SLC2A9: variants seen among roughly 807,000 people sequenced by gnomAD.
SLC2A9 encodes the protein solute carrier family 2, facilitated glucose transporter member 9.
A neutral mutation model predicts 50.6 loss-of-function variants in SLC2A9; 39 were observed. That is an observed-to-expected ratio of 0.77 (90% CI 0.60 to 1.01). The LOEUF (loss-of-function observed/expected upper bound fraction) is 1.01, where lower values mean the gene tolerates loss of function less well. Ranked by LOEUF, SLC2A9 falls within the 50% of genes least tolerant of loss-of-function variation. SLC2A9 has a pLI of 0.00. For missense variants in SLC2A9, 686 were observed against 677.6 expected, an observed-to-expected ratio of 1.01 and a Z score of -0.14; for synonymous variants, 324 against 276.9, an observed-to-expected ratio of 1.17 and a Z score of -1.69.
chr4:9,860,456 G>T (rs1434183178), intron 10 of SLC2A9, among the ~76,000 whole-genome samples: 1 of 152,252 alleles, frequency 6.6e-6, no homozygotes, highest in Non-Finnish European at 1.5e-5. Flanking sequence ...CACATGAACA[G>T]GAGTATTTAG....
intron 4 of SLC2A9, among the ~76,000 whole-genome samples, chr4:9,982,707 C>T (rs908294846): frequency 6.6e-5 from 10 of 152,216 alleles, no homozygotes; most frequent in Non-Finnish European, 1.5e-4. Flanking sequence ...CCAAAGCAGG[C>T]AGGGCCTCTG....
chr4:9,841,321 CTT>C (rs1463964807), intron 10 of SLC2A9, among the ~76,000 whole-genome samples: 5 of 152,100 alleles, frequency 3.3e-5, no homozygotes, highest in Non-Finnish European at 7.4e-5. Context: ...ACTTTGTTCT[CTT>C]GTTTTCTGCA....
chr4:9,880,177 G>T (rs1734965944), intron 10 of SLC2A9: 2 of 985,434 alleles, frequency 2.0e-6, no homozygotes, highest in African/African-American at 3.5e-5. Flanking sequence ...TGGTCTAAGT[G>T]GCAGCTTTTC....
rs1280623007 is a variant in SLC2A9 at position 9,985,726 on chromosome 4, G to A, written c.478C>T (p.Gln160Ter). 6.2e-7 allele frequency: 1 copy of A among 1,613,924 alleles called. No homozygotes were observed. The highest frequency in any genetic ancestry group is 1.3e-5 in the African/African-American group (1 of 74,934). The change falls in exon 4 of 12, where the codon CAG becomes TAG. Residue 160 changes from glutamine to a stop codon, truncating the protein, a stop_gained. Coordinates refer to ENST00000264784, the MANE Select transcript of SLC2A9 (RefSeq NM_020041.3). LOFTEE classifies it high-confidence loss of function. The part of the protein sequence containing the change: ...SAALLMACSL[Q>*]AGAFEMLIVG... ...ATGAGCATTTCAAAGGCTCCTGCCT[G>A]GAGCGAGCAGGCCATCAGCAATGCA...
intron 5 of SLC2A9, among the ~76,000 whole-genome samples, chr4:9,957,727 G>T (rs372026310): frequency 6.1e-4 from 93 of 152,224 alleles, no homozygotes; most frequent in African/African-American, 2.1e-3. Context: ...TTGGAAGATG[G>T]ATTTGAGAAA....
intron 6 of SLC2A9, among the ~76,000 whole-genome samples, chr4:9,936,089 T>C (rs1419938091): frequency 1.3e-5 from 2 of 152,148 alleles, no homozygotes; most frequent in African/African-American, 2.4e-5. Context: ...TCTGCCAAAA[T>C]ACCATTGCTA....
rs185601048 is a variant in SLC2A9 at position 9,926,471 on chromosome 4, T to C, written c.815-5899A>G. 4.6e-5 allele frequency among the ~76,000 whole-genome samples: 7 copies of C among 151,144 alleles called. No homozygotes were observed. In the East Asian group the frequency reaches 1.4e-3, roughly 29 times the overall value. Reference sequence around the variant, plus strand: ...TGTCTGTAAAATAAACATAATAGCATTGGTGGTGTAACCAGTGTTCGATGT... The same window carrying C: ...TGTCTGTAAAATAAACATAATAGCACTGGTGGTGTAACCAGTGTTCGATGT... On this transcript the variant is annotated intron_variant, in intron 6 of 11. Coordinates refer to ENST00000264784, the MANE Select transcript of SLC2A9 (RefSeq NM_020041.3).
chr4:9,883,154 C>CAT (rs1252036583), intron 10 of SLC2A9, among the ~76,000 whole-genome samples: 1 of 151,920 alleles, frequency 6.6e-6, no homozygotes, highest in African/African-American at 2.4e-5. Context: ...CACACACACA[C>CAT]ACATACACAG....
At chr4:9,940,115 G>C (rs1162063619) in intron 6 of SLC2A9, among the ~76,000 whole-genome samples, 2 of 152,200 alleles carry the variant, frequency 1.3e-5, no homozygotes, top group Non-Finnish European at 2.9e-5. Context: ...GAGAGCCAGA[G>C]GGGGTGCGGG....
At chr4:9,778,414 C>A (rs1195831446), downstream of SLC2A9, among the ~76,000 whole-genome samples, 2 of 152,072 alleles carry the variant, frequency 1.3e-5, no homozygotes, top group Non-Finnish European at 2.9e-5. Flanking sequence ...GCCACCGCAC[C>A]CGGCCCTTTA....
At chr4:9,890,213 A>G (rs1306447904) in intron 9 of SLC2A9, among the ~76,000 whole-genome samples, 3 of 152,208 alleles carry the variant, frequency 2.0e-5, no homozygotes, top group African/African-American at 7.2e-5. Context: ...AATTGTGACA[A>G]CTAGGGAAGT....
At chr4:9,964,853 G>A (rs9998811) in intron 5 of SLC2A9, among the ~76,000 whole-genome samples, 36,339 of 152,064 alleles carry the variant, frequency 0.24, 4,611 homozygotes, top group Admixed American at 0.34. Context: ...AAGTCAGGAC[G>A]TTGGTCCTAC....
At chr4:9,879,351 A>AGC (rs2109610310) in intron 10 of SLC2A9, 2 of 971,340 alleles carry the variant, frequency 2.1e-6, no homozygotes, top group East Asian at 1.2e-4. Context: ...GAGACCATGA[A>AGC]GCGTGTGTGT....
chr4:9,986,857 C>T (rs991716533), intron 3 of SLC2A9, among the ~76,000 whole-genome samples: 7 of 152,152 alleles, frequency 4.6e-5, no homozygotes, highest in African/African-American at 1.4e-4. Context: ...GGCCTGGGGA[C>T]CTGGATTCCT....
Position 9,837,862 on chromosome 4 carries a change from C to T in SLC2A9, c.1292-2854G>A, listed in dbSNP as rs966043716. ...GTTCACTCCCATTATCTCCCTTGAT[C>T]TTCCCAACCAGAGAAGGTGGTAAAG... On this transcript the variant is annotated intron_variant, in intron 10 of 11. Coordinates refer to ENST00000264784, the MANE Select transcript of SLC2A9 (RefSeq NM_020041.3). Among the ~76,000 whole-genome samples the T allele has an allele frequency of 3.9e-5, 6 of 152,290 alleles. No individual in the cohort carries two copies. The South Asian group carries it at 1.2e-3, about 32-fold the overall frequency.
intron 3 of SLC2A9, among the ~76,000 whole-genome samples, chr4:9,818,038 C>A (rs145945471): frequency 0.02 from 3,112 of 152,256 alleles, 39 homozygotes; most frequent in Non-Finnish European, 0.034. Context: ...AACTGTAAGA[C>A]AAATTGGGGT....
In SLC2A9 at chr4:9,917,325, CTTTTTTTTTT is replaced by C. The variant is rs55927201; in HGVS notation, c.1002+3050_1002+3059del. On this transcript the variant is annotated intron_variant, in intron 7 of 11. Transcript: ENST00000264784. ...CAACTTTTGAATAATTTCTTTTTTC[CTTTTTTTTTT>C]TTTTTTTTTTTTTTTGTGATGGAGT... 9.8e-5 allele frequency among the ~76,000 whole-genome samples: 8 copies of C among 81,800 alleles called. No homozygotes were observed. In the Admixed American group the frequency reaches 1.2e-3, roughly 12 times the overall value. The allele number at this position is 81,800 out of a possible 152,430, so 53.7% of individuals were successfully genotyped here.
chr4:9,913,328 T>TGTGTGC (rs1560292019), intron 7 of SLC2A9, among the ~76,000 whole-genome samples: 1 of 136,492 alleles, frequency 7.3e-6, no homozygotes, highest in East Asian at 2.9e-4. Flanking sequence ...TGTGTGTGTG[T>TGTGTGC]GTGAGAGAGA....
At position 9,891,946 on chromosome 4, in the gene SLC2A9, G is replaced by A. The variant is rs151104857; in HGVS notation, c.1114-1235C>T. Among the ~76,000 whole-genome samples, 120 of 152,322 alleles carry A rather than the reference G, an allele frequency of 7.9e-4. 2 individuals are homozygous for A. The East Asian group carries it at 0.022, about 28-fold the overall frequency. On this transcript the variant is annotated intron_variant, in intron 8 of 11. Transcript: ENST00000264784. ...GCCTGCCAGCTTCAGGTGACAGTGC[G>A]AAGGTCACAGCACTGAGACGAACAG...
Sources: gnomAD v4.1 joint callset for allele counts (sites outside exome capture counted in the v4.1 genomes callset) on GRCh38, gnomAD v4.1.1 for gene constraint, MANE v1.5 for transcripts, NCBI Gene and HGNC (gene_info 2026-07-23, HGNC 2026-07-21) for gene names.